MCPH1: variants seen among roughly 807,000 people sequenced by gnomAD.
MCPH1 encodes microcephalin.
MCPH1 carries 104 observed loss-of-function variants against 84.5 expected under a neutral mutation model. The observed-to-expected ratio is 1.23, with a 90% confidence interval of 1.05 to 1.45. MCPH1 has a LOEUF of 1.45. Ranked by LOEUF, MCPH1 falls within the 40% of genes most tolerant of loss-of-function variation. The pLI, the probability that MCPH1 is intolerant of heterozygous loss-of-function variation, is 0.00. For synonymous variants in MCPH1, 514 were observed against 366.8 expected (o/e 1.40, Z -4.58); for missense variants, 1,498 against 1,005.7 (o/e 1.49, Z -6.62).
chr8:6,610,764 T>C (rs1315889992), intron 12 of MCPH1, among the ~76,000 whole-genome samples: 3 of 152,142 alleles, frequency 2.0e-5, no homozygotes, highest in Non-Finnish European at 4.4e-5. Flanking sequence ...TTGACAGAAC[T>C]GTCTTCATAC....
Position 6,519,802 on chromosome 8 carries a change from C to G in MCPH1, c.2214+19873C>G. ...GGGAGAGACTTCTGCTCTCTGGTTC[C>G]TCACTCACTAAAGTGGCCTGCCTAG... On this transcript the variant is annotated intron_variant, in intron 12 of 13. Coordinates refer to ENST00000344683, the MANE Select transcript of MCPH1 (RefSeq NM_024596.5). 3.8e-6 allele frequency: 6 copies of G among 1,579,346 alleles called. No homozygotes were observed. The South Asian group carries it at 6.9e-5, about 18-fold the overall frequency.
In MCPH1 at chr8:6,435,533, T is replaced by A. The variant is rs1296255574; in HGVS notation, c.322-515T>A. On this transcript the variant is annotated intron_variant, in intron 4 of 13. Coordinates refer to ENST00000344683, the MANE Select transcript of MCPH1 (RefSeq NM_024596.5). ...AAGGTGATGCCAGGGCTCAATCTGA[T>A]TGGATCATGGATTATGCCATCAGGT... 4.6e-5 allele frequency among the ~76,000 whole-genome samples: 7 copies of A among 152,250 alleles called. No individual in the cohort carries two copies. In the South Asian group the frequency reaches 1.2e-3, roughly 27 times the overall value.
chr8:6,423,382 G>T (rs916808416), intron 3 of MCPH1, among the ~76,000 whole-genome samples: 2 of 150,914 alleles, frequency 1.3e-5, no homozygotes, highest in Non-Finnish European at 2.9e-5. Context: ...AGCCAGGATG[G>T]TCTCCATCTC....
intron 13 of MCPH1, among the ~76,000 whole-genome samples, chr8:6,630,789 A>C (rs1300321358): frequency 7.6e-6 from 1 of 131,214 alleles, no homozygotes; most frequent in Non-Finnish European, 1.7e-5. Context: ...CCTAAAAAAA[A>C]AAAACAAAAA....
At chr8:6,532,619 T>TC (rs3214789) in intron 12 of MCPH1, 231,001 of 655,058 alleles carry the variant, frequency 0.35, 45,462 homozygotes, top group African/African-American at 0.4. Flanking sequence ...TACCTTGCCT[T>TC]CCTTTTGGAA....
intron 8 of MCPH1, among the ~76,000 whole-genome samples, chr8:6,449,602 C>T (rs570554165): frequency 6.6e-6 from 1 of 151,832 alleles, no homozygotes; most frequent in South Asian, 2.1e-4. Context: ...CACTGCACTC[C>T]ATCCTGGACA....
At chr8:6,516,461 C>T (rs1816292622) in intron 12 of MCPH1, among the ~76,000 whole-genome samples, 1 of 152,146 alleles carries the variant, frequency 6.6e-6, no homozygotes, top group Admixed American at 6.5e-5. Flanking sequence ...CCACTGACAT[C>T]ATGCTGCCAA....
At position 6,445,343 on chromosome 8, in the gene MCPH1, G is replaced by T. The variant is rs1390169606; in HGVS notation, c.1621G>T (p.Asp541Tyr). The T allele has an allele frequency of 6.2e-7, 1 of 1,614,142 alleles. No homozygotes were observed. The highest frequency in any genetic ancestry group is 8.5e-7 in the Non-Finnish European group (1 of 1,180,062). Reference protein sequence around the residue: ...DPALPKGHDDDLTPLEGSLEE... With the variant: ...DPALPKGHDDYLTPLEGSLEE... ...TGCTCTTCCAAAAGGACATGATGAT[G>T]ATTTAACTCCTTTGGAAGGAAGCCT... is the stretch of plus-strand genomic sequence containing the variant. The change falls in exon 8 of 14, where the codon GAT becomes TAT. Residue 541 changes from aspartate to tyrosine, a missense_variant. Coordinates refer to ENST00000344683, the MANE Select transcript of MCPH1 (RefSeq NM_024596.5).
rs533580400 is a variant in MCPH1 at position 6,565,069 on chromosome 8, G to A, written c.2215-56385G>A. Among the ~76,000 whole-genome samples, 97 of 152,258 alleles carry A rather than the reference G, an allele frequency of 6.4e-4. 1 individual carries two copies. The highest frequency in any genetic ancestry group is 6.3e-3 in the Admixed American group (96 of 15,286). On this transcript the variant is annotated intron_variant, in intron 12 of 13. Coordinates refer to ENST00000344683, the MANE Select transcript of MCPH1 (RefSeq NM_024596.5). ...ATACCCATCCGGACAGTGCACCGTCGAAGAAAGCATATAGGTCTTAAAGAT... is the reference window on the plus strand; with the variant it reads ...ATACCCATCCGGACAGTGCACCGTCAAAGAAAGCATATAGGTCTTAAAGAT...
At chr8:6,495,667 T>C (rs1811144318) in intron 11 of MCPH1, among the ~76,000 whole-genome samples, 1 of 152,226 alleles carries the variant, frequency 6.6e-6, no homozygotes, top group South Asian at 2.1e-4. Context: ...TTCTACACCT[T>C]CCATAAACAC....
chr8:6,552,412 T>TA (rs1290152662), intron 12 of MCPH1, among the ~76,000 whole-genome samples: 1 of 152,190 alleles, frequency 6.6e-6, no homozygotes, highest in Non-Finnish European at 1.5e-5. Flanking sequence ...CACACACACT[T>TA]ACGATGGTCC....
chr8:6,429,163 T>G (rs941515994), intron 3 of MCPH1, among the ~76,000 whole-genome samples: 1 of 152,212 alleles, frequency 6.6e-6, no homozygotes, highest in Non-Finnish European at 1.5e-5. Context: ...AATGTGGAAG[T>G]TGTGTGTTAG....
chr8:6,532,367 C>G lies in MCPH1; in HGVS notation c.2214+32438C>G, dbSNP rs370433128. ...ACATCAGTTAACTTCCGCGTTTGCT[C>G]CGCTGTTTGGTTCAACAGGTTTGTC... On this transcript the variant is annotated intron_variant, in intron 12 of 13. Coordinates refer to ENST00000344683, the MANE Select transcript of MCPH1 (RefSeq NM_024596.5). 5.0e-6 allele frequency: 8 copies of G among 1,613,922 alleles called. No homozygotes were observed. The African/African-American group carries it at 1.1e-4, about 22-fold the overall frequency.
Position 6,414,662 on chromosome 8 carries a change from A to G in MCPH1, c.115-103A>G, listed in dbSNP as rs964629659. 10 of 1,290,720 alleles carry G rather than the reference A, an allele frequency of 7.7e-6. No homozygotes were observed. The East Asian group carries it at 2.4e-4, about 32-fold the overall frequency. 80.0% of individuals were successfully genotyped at this position (1,290,720 alleles called of 1,614,324 possible). ...ATTCCTTTGAGTGTTTCTCTGTCAGATGTTGAGAAACAGAATTGCTGGGGT... is the reference window on the plus strand; with the variant it reads ...ATTCCTTTGAGTGTTTCTCTGTCAGGTGTTGAGAAACAGAATTGCTGGGGT... On this transcript the variant is annotated intron_variant, in intron 2 of 13. Transcript: ENST00000344683.
chr8:6,534,961 A>G (rs1309073570), intron 12 of MCPH1, among the ~76,000 whole-genome samples: 1 of 152,240 alleles, frequency 6.6e-6, no homozygotes, highest in Non-Finnish European at 1.5e-5. Flanking sequence ...TGTGTCACCC[A>G]GAGGCACTGT....
In MCPH1 at chr8:6,505,266, A is replaced by G. The variant is rs369832028; in HGVS notation, c.2214+5337A>G. ...TATATATTCTTTATATATGTTTTAT[A>G]TATATGTATACATATATATGTTATA... On this transcript the variant is annotated intron_variant, in intron 12 of 13. Coordinates refer to ENST00000344683, the MANE Select transcript of MCPH1 (RefSeq NM_024596.5). Among the ~76,000 whole-genome samples, 108 of 116,438 alleles carry G rather than the reference A, an allele frequency of 9.3e-4. 10 individuals are homozygous for G. Among genetic ancestry groups the G allele is most frequent in the African/African-American group, 2.8e-3 (74 of 26,634 alleles). The allele number at this position is 116,438 out of a possible 152,430, so 76.4% of individuals were successfully genotyped here. A position where few individuals can be genotyped will look rare whatever the true frequency, so the allele number is the denominator to read the frequency against.
At chr8:6,513,931 A>G in intron 12 of MCPH1, 1 of 1,242,294 alleles carries the variant, frequency 8.0e-7, no homozygotes, top group Non-Finnish European at 1.1e-6. Flanking sequence ...TTAACATAGA[A>G]TAACTATCAA....
At chr8:6,503,360 C>G in intron 12 of MCPH1, 2 of 1,269,984 alleles carry the variant, frequency 1.6e-6, no homozygotes, top group Non-Finnish European at 2.2e-6. Flanking sequence ...ACACTGCAGG[C>G]GTGTGGAGTA....
At chr8:6,625,549 TATG>T (rs1831982591) in intron 13 of MCPH1, 11 of 904,110 alleles carry the variant, frequency 1.2e-5, no homozygotes, top group Non-Finnish European at 1.5e-5. Flanking sequence ...TAAATTAAAT[TATG>T]AAAAGACAAT....
Sources: gnomAD v4.1 joint callset for allele counts (sites outside exome capture counted in the v4.1 genomes callset) on GRCh38, gnomAD v4.1.1 for gene constraint, MANE v1.5 for transcripts, NCBI Gene and HGNC (gene_info 2026-07-23, HGNC 2026-07-21) for gene names.